NUP133: variants seen among roughly 807,000 people sequenced by gnomAD.
NUP133 encodes the protein nuclear pore complex protein Nup133.
A neutral mutation model predicts 146.2 loss-of-function variants in NUP133; 66 were observed. That is an observed-to-expected ratio of 0.45 (90% CI 0.37 to 0.55). The LOEUF (loss-of-function observed/expected upper bound fraction) is 0.55, where lower values mean the gene tolerates loss of function less well. NUP133 is among the 20% of genes least tolerant of loss of function. NUP133 has a pLI of 0.00. For synonymous variants in NUP133, 521 were observed against 498.8 expected (o/e 1.04, Z -0.59); for missense variants, 1,277 against 1,374.8 (o/e 0.93, Z 1.12).
chr1:229,483,937 T>C (rs910869725), intron 12 of NUP133, 117 bp downstream of exon 12: 5 of 651,126 alleles, frequency 7.7e-6, no homozygotes, highest in South Asian at 2.1e-5. Context: ...CAAAAAAACA[T>C]TCTCCTCTTG....
intron 7 of NUP133, 69 bp from the exon 8 acceptor site, chr1:229,495,634 T>C: frequency 8.6e-7 from 1 of 1,163,080 alleles, no homozygotes; most frequent in South Asian, 1.3e-5. Context: ...TTTATATCCC[T>C]AGTACCTAGT....
chr1:229,503,900 T>C (rs1227802118), intron 2 of NUP133, among the ~76,000 whole-genome samples: 1 of 152,192 alleles, frequency 6.6e-6, no homozygotes, highest in Non-Finnish European at 1.5e-5. Flanking sequence ...ATCTAGTCTG[T>C]TAAAATATGA....
chr1:229,499,242 C>T, intron 5 of NUP133: 1 of 471,044 alleles, frequency 2.1e-6, no homozygotes. Flanking sequence ...ATAATGCAAG[C>T]CATTCTTTAT....
Position 229,477,731 on chromosome 1 carries a change from A to G in NUP133, c.1622T>C (p.Val541Ala). The G allele has an allele frequency of 6.2e-7, 1 of 1,613,878 alleles. No individual in the cohort carries two copies. The highest frequency in any genetic ancestry group is 8.5e-7 in the Non-Finnish European group (1 of 1,179,836). Reference protein sequence around the residue: ...RKDLGHAQMVVDELFSSHSDL... With the variant: ...RKDLGHAQMVADELFSSHSDL... ...AGAGTGAGAGGAAAAGAGCTCATCA[A>G]CCACCATTTGAGCATGACCTAAATC... Residue 541 changes from valine (V) to alanine (A), a missense_variant, in exon 13 of 26, where the codon GTT (valine) becomes GCT (alanine). Val to Ala is a moderately conservative substitution (Grantham distance 64). Transcript: ENST00000261396.
chr1:229,474,109 C>G (rs1412466005), intron 14 of NUP133, among the ~76,000 whole-genome samples: 2 of 152,178 alleles, frequency 1.3e-5, no homozygotes, highest in Admixed American at 6.5e-5. Flanking sequence ...CAGCCCAGAG[C>G]AGGATGAGCG....
chr1:229,449,880 T>A lies in NUP133; in HGVS notation c.3180+645A>T, dbSNP rs28636430. On this transcript the variant is annotated intron_variant, in intron 23 of 25. Transcript: ENST00000261396. ...ATATATATATATATATATATTTTTTTTTTTTTTTTTTTTTTTTTTGAGACA... is the reference window on the plus strand; with the variant it reads ...ATATATATATATATATATATTTTTTATTTTTTTTTTTTTTTTTTTGAGACA... 1.9e-3 allele frequency among the ~76,000 whole-genome samples: 225 copies of A among 115,988 alleles called. 1 individual carries two copies. The highest frequency in any genetic ancestry group is 7.4e-3 in the African/African-American group (204 of 27,722). 76.1% of individuals were successfully genotyped at this position (115,988 alleles called of 152,430 possible).
intron 15 of NUP133, among the ~76,000 whole-genome samples, chr1:229,468,473 G>A (rs975771475): frequency 6.6e-6 from 1 of 152,028 alleles, no homozygotes; most frequent in Non-Finnish European, 1.5e-5. Context: ...ATAGTGACAG[G>A]AACAGTCCTA....
chr1:229,487,592 G>A lies in NUP133; in HGVS notation c.1216C>T (p.Gln406Ter), dbSNP rs142513540. The part of the protein sequence containing the change: ...PFQSEDLILC[Q>*]LTVPNFSNQT... ...TTTGAAAAGTTTGGGACCGTCAACT[G>A]ACACAAAATCAGGTCTTCAGACTGA... The change falls in exon 10 of 26, where the codon CAG becomes TAG. Residue 406 changes from glutamine to a stop codon, truncating the protein, a stop_gained. Transcript: ENST00000261396. LOFTEE classifies it high-confidence loss of function. The A allele has an allele frequency of 1.1e-4, 182 of 1,610,554 alleles. No individual in the cohort carries two copies. In the African/African-American group the frequency reaches 2.1e-3, roughly 18 times the overall value.
rs756764334 is a variant in NUP133 at position 229,489,962 on chromosome 1, G to T, written c.1187C>A (p.Pro396His). The T allele has an allele frequency of 1.8e-5, 28 of 1,588,416 alleles. No individual in the cohort carries two copies. The highest frequency in any genetic ancestry group is 2.4e-5 in the Non-Finnish European group (28 of 1,167,408). ...AACCAATATAAATCTTACCTGAAAA[G>T]GTGGATTATATTGAGTGACTTCTAC... ...VTVEVTQYNP[P>H]FQSEDLILCQ... The change falls in exon 9 of 26, where the codon CCT becomes CAT. Residue 396 changes from proline to histidine, a missense_variant. Coordinates refer to ENST00000261396, the MANE Select transcript of NUP133 (RefSeq NM_018230.3).
At chr1:229,499,986 A>G (rs1661756645) in intron 4 of NUP133, among the ~76,000 whole-genome samples, 168 bp from the exon 5 acceptor site, 1 of 152,266 alleles carries the variant, frequency 6.6e-6, no homozygotes, top group Non-Finnish European at 1.5e-5. Context: ...ATGGCTAATG[A>G]TGCTGAACAT....
chr1:229,461,739 T>A (rs1660694711), intron 19 of NUP133, among the ~76,000 whole-genome samples: 1 of 151,766 alleles, frequency 6.6e-6, no homozygotes. Flanking sequence ...AAAATAACAT[T>A]TAAACATGTT....
At chr1:229,500,901 A>C (rs1243745866) in intron 3 of NUP133, 38 bp from the exon 4 acceptor site, 1 of 1,358,860 alleles carries the variant, frequency 7.4e-7, no homozygotes. Context: ...TTTCACATCA[A>C]ATCCAGTATT....
At chr1:229,498,027 T>A (rs1199696723) in intron 6 of NUP133, 109 bp downstream of exon 6, 60 of 678,926 alleles carry the variant, frequency 8.8e-5, no homozygotes, top group Non-Finnish European at 1.3e-4. Context: ...AAGGTTTTAT[T>A]TCGCATAAGC....
intron 16 of NUP133, 151 bp downstream of exon 16, chr1:229,466,483 T>C: frequency 3.0e-6 from 2 of 657,052 alleles, no homozygotes; most frequent in East Asian, 5.5e-5. Context: ...TGATTAATAA[T>C]AAAATGACAT....
rs1311150440 is a variant in NUP133 at position 229,498,220 on chromosome 1, C to A, written c.735G>T (p.Leu245=). 6.2e-7 allele frequency: 1 copy of A among 1,613,082 alleles called. No homozygotes were observed. Among genetic ancestry groups the A allele is most frequent in the Admixed American group, 1.7e-5 (1 of 59,736 alleles). ...CTGAAAGCATGCCTTGCCCCTGAGG[C>A]AGGATATGCTGATGAATCTTTCCTG... ...ESSGKIHQHI[L]PQGQGMLSGI... The change falls in exon 6 of 26, where the codon CTG becomes CTT. Residue 245 remains leucine (L), a synonymous_variant. Transcript: ENST00000261396.
intron 20 of NUP133, 88 bp downstream of exon 20, chr1:229,460,523 A>G: frequency 7.6e-7 from 1 of 1,320,056 alleles, no homozygotes. Flanking sequence ...ATATGACAGT[A>G]AACAGTATTT....
chr1:229,443,723 A>ATTTTTT (rs71561738), intron 25 of NUP133, among the ~76,000 whole-genome samples: 3 of 116,160 alleles, frequency 2.6e-5, no homozygotes, highest in Non-Finnish European at 5.1e-5. Flanking sequence ...CACATATATA[A>ATTTTTT]TTTTTTTTTT....
chr1:229,461,906 C>A (rs1337960193), intron 19 of NUP133, among the ~76,000 whole-genome samples: 3 of 144,466 alleles, frequency 2.1e-5, no homozygotes, highest in Admixed American at 1.4e-4. Context: ...TTTTTTGAGA[C>A]GGATTCTTGT....
chr1:229,490,070 T>G lies in NUP133; in HGVS notation c.1079A>C (p.His360Pro), dbSNP rs1211674058. Reference sequence around the variant, plus strand: ...GATGAGACATGGATTGTCTGCTGAGTGCCATGCTGCTGCCAAAATCACCAG... The same window carrying G: ...GATGAGACATGGATTGTCTGCTGAGGGCCATGCTGCTGCCAAAATCACCAG... ...DGLVILAAAW[H>P]SADNPCLIYY... Residue 360 changes from histidine (H) to proline (P), a missense_variant, in exon 9 of 26, where the codon CAC (histidine) becomes CCC (proline). Physicochemically the swap from His to Pro is moderately conservative, Grantham distance 77. Around this residue, in one of 3 missense-constraint regions of NUP133, gnomAD observed 952 missense variants for 1,047.0 expected, o/e 0.91. Coordinates refer to ENST00000261396, the MANE Select transcript of NUP133 (RefSeq NM_018230.3). 2 of 1,599,510 alleles carry G rather than the reference T, an allele frequency of 1.3e-6. No individual in the cohort carries two copies. The highest frequency in any genetic ancestry group is 2.2e-5 in the East Asian group (1 of 44,470).
Sources: allele counts gnomAD v4.1 joint callset (sites outside exome capture counted in the v4.1 genomes callset), GRCh38; gene constraint gnomAD v4.1.1; regional missense constraint gnomAD v4.1.1; transcripts MANE v1.5; gene names NCBI Gene and HGNC (gene_info 2026-07-23, HGNC 2026-07-21).